Variants in ERBB4 observed in about 807,000 individuals in gnomAD.
The protein encoded by ERBB4 is erb-b2 receptor tyrosine kinase 4, also known as receptor tyrosine-protein kinase erbB-4.
In ERBB4, 42 loss-of-function variants were observed where a neutral mutation model predicts 158.0. The ratio of observed to expected loss-of-function variants is 0.27; its 90% CI spans 0.21 to 0.34. ERBB4 has a LOEUF of 0.34. Among genes scored for constraint, ERBB4 ranks in the 10% least tolerant of loss-of-function variants. The pLI, the probability that ERBB4 is intolerant of heterozygous loss-of-function variation, is 1.00. For missense variants in ERBB4, 1,333 were observed against 1,624.1 expected, an observed-to-expected ratio of 0.82 and a Z score of 3.08; for synonymous variants, 583 against 558.7, an observed-to-expected ratio of 1.04 and a Z score of -0.61.
At chr2:211,703,034 T>G (rs1238222236) in intron 11 of ERBB4, among the ~76,000 whole-genome samples, 3 of 152,170 alleles carry the variant, frequency 2.0e-5, no homozygotes, top group Non-Finnish European at 4.4e-5. Flanking sequence ...TTTTACATTT[T>G]GGAGATCAAA....
chr2:211,983,053 G>C (rs1028800626), intron 2 of ERBB4, among the ~76,000 whole-genome samples: 14 of 152,140 alleles, frequency 9.2e-5, no homozygotes, highest in African/African-American at 3.4e-4. Flanking sequence ...CCATATCATG[G>C]AATCTCAATT....
At chr2:211,687,561 T>G (rs2072617087) in intron 12 of ERBB4, among the ~76,000 whole-genome samples, 2 of 131,510 alleles carry the variant, frequency 1.5e-5, no homozygotes, top group African/African-American at 2.7e-5. Context: ...TGTTTGTTTG[T>G]TGTTTTTCTG....
intron 20 of ERBB4, among the ~76,000 whole-genome samples, chr2:211,513,268 G>A (rs1231492417): frequency 6.7e-6 from 1 of 149,884 alleles, no homozygotes; most frequent in East Asian, 2.0e-4. Context: ...GGAGAATGGC[G>A]TGAACCCGGG....
chr2:212,424,344 G>A (rs2091859903), intron 1 of ERBB4, among the ~76,000 whole-genome samples: 1 of 151,974 alleles, frequency 6.6e-6, no homozygotes, highest in Non-Finnish European at 1.5e-5. Context: ...CTGCCACTAG[G>A]GAGCCTACAG....
intron 2 of ERBB4, among the ~76,000 whole-genome samples, chr2:212,083,781 C>G (rs1438858111): frequency 6.6e-6 from 1 of 151,864 alleles, no homozygotes; most frequent in Non-Finnish European, 1.5e-5. Context: ...CTCAGCAGAT[C>G]TATAAACAGA....
chr2:211,961,992 T>C (rs1001239854), intron 2 of ERBB4, among the ~76,000 whole-genome samples: 2 of 152,076 alleles, frequency 1.3e-5, no homozygotes, highest in African/African-American at 4.8e-5. Context: ...TGGTGGTTAC[T>C]TTTGGGGAGA....
At chr2:212,145,205 A>C (rs1032577138) in intron 1 of ERBB4, among the ~76,000 whole-genome samples, 2 of 152,188 alleles carry the variant, frequency 1.3e-5, no homozygotes, top group Non-Finnish European at 2.9e-5. Flanking sequence ...AATACTAGAG[A>C]AAGTTTTTAA....
chr2:211,621,320 G>T (rs574079152), intron 18 of ERBB4, among the ~76,000 whole-genome samples: 47 of 151,622 alleles, frequency 3.1e-4, no homozygotes, highest in African/African-American at 1.0e-3. Context: ...CTTAAACAGA[G>T]AATATTTCTA....
Position 211,643,464 on chromosome 2 carries a change from A to AT in ERBB4, c.1947-12871dup, listed in dbSNP as rs369500527. Among the ~76,000 whole-genome samples, 238 of 152,246 alleles carry AT rather than the reference A, an allele frequency of 1.6e-3. 1 individual carries two copies. The highest frequency in any genetic ancestry group is 5.5e-3 in the African/African-American group (229 of 41,576). On this transcript the variant is annotated intron_variant, in intron 16 of 27. Coordinates refer to ENST00000342788, the MANE Select transcript of ERBB4 (RefSeq NM_005235.3). ...ACACCTAAAACTATTGGGTGAAGCC[A>AT]TTACTTTTTTTACTTGTAGGCAAGG...
intron 1 of ERBB4, among the ~76,000 whole-genome samples, chr2:212,268,282 G>A (rs1362369110): frequency 1.3e-5 from 2 of 151,756 alleles, no homozygotes; most frequent in African/African-American, 2.4e-5. Flanking sequence ...GATTTAATGA[G>A]ATAGAAATGA....
intron 1 of ERBB4, among the ~76,000 whole-genome samples, chr2:212,294,223 G>A (rs1362309131): frequency 6.6e-6 from 1 of 151,918 alleles, no homozygotes; most frequent in African/African-American, 2.4e-5. Flanking sequence ...CATTCCAATG[G>A]AAAAACTATG....
At chr2:211,456,523 C>T (rs1187979963) in intron 20 of ERBB4, among the ~76,000 whole-genome samples, 2 of 152,118 alleles carry the variant, frequency 1.3e-5, no homozygotes, top group Non-Finnish European at 2.9e-5. Flanking sequence ...GTCCTCATTA[C>T]TCTGAGCTCA....
rs147635063 is a variant in ERBB4 at position 212,468,520 on chromosome 2, C to A, written c.82+69929G>T. On this transcript the variant is annotated intron_variant, in intron 1 of 27. Transcript: ENST00000342788. ...CCATCCACATAAAATATGACTTGCCCCTCCTTGCTTTCCACCATGATTGTG... is the reference window on the plus strand; with the variant it reads ...CCATCCACATAAAATATGACTTGCCACTCCTTGCTTTCCACCATGATTGTG... Among the ~76,000 whole-genome samples, 915 of 152,230 alleles carry A rather than the reference C, an allele frequency of 6.0e-3. 12 individuals carry two copies. The highest frequency in any genetic ancestry group is 0.02 in the Middle Eastern group (6 of 294).
intron 1 of ERBB4, among the ~76,000 whole-genome samples, chr2:212,436,997 A>ATCTTT (rs2092151890): frequency 6.6e-6 from 1 of 152,020 alleles, no homozygotes; most frequent in South Asian, 2.1e-4. Flanking sequence ...TACAAGCAAG[A>ATCTTT]GAGTAAGGCT....
chr2:211,775,499 A>G (rs2075850313), intron 4 of ERBB4, among the ~76,000 whole-genome samples: 1 of 152,186 alleles, frequency 6.6e-6, no homozygotes, highest in South Asian at 2.1e-4. Context: ...CATTTTTAGC[A>G]AGGTTTGGGG....
At chr2:211,539,090 A>G (rs746112016) in intron 20 of ERBB4, among the ~76,000 whole-genome samples, 2 of 151,986 alleles carry the variant, frequency 1.3e-5, no homozygotes, top group Non-Finnish European at 2.9e-5. Context: ...TATCTAACCT[A>G]TAACATTTTT....
chr2:212,140,143 A>C (rs2125602540), intron 1 of ERBB4, among the ~76,000 whole-genome samples: 1 of 151,702 alleles, frequency 6.6e-6, no homozygotes, highest in Non-Finnish European at 1.5e-5. Flanking sequence ...AGATCCATGC[A>C]GTTGCATCAT....
chr2:211,400,119 TAAGAG>T (rs1242948597), intron 25 of ERBB4, among the ~76,000 whole-genome samples: 3 of 152,144 alleles, frequency 2.0e-5, no homozygotes, highest in Admixed American at 1.3e-4. Context: ...GAGCTCTTGA[TAAGAG>T]AAAAGGACGG....
At chr2:212,402,995 C>T (rs1195058689) in intron 1 of ERBB4, among the ~76,000 whole-genome samples, 13 of 151,906 alleles carry the variant, frequency 8.6e-5, no homozygotes, top group Admixed American at 8.6e-4. Flanking sequence ...TTATTCAGTT[C>T]AGAAATAAGA....
Sources: gnomAD v4.1 joint callset for allele counts (sites outside exome capture counted in the v4.1 genomes callset) on GRCh38, gnomAD v4.1.1 for gene constraint, MANE v1.5 for transcripts, NCBI Gene and HGNC (gene_info 2026-07-23, HGNC 2026-07-21) for gene names.